TMEM52B: variants seen among roughly 807,000 people sequenced by gnomAD.
TMEM52B encodes the protein transmembrane protein 52B, also known as chromosome 12 open reading frame 59.
TMEM52B carries 11 observed loss-of-function variants against 16.1 expected under a neutral mutation model. The ratio of observed to expected loss-of-function variants is 0.68; its 90% CI spans 0.43 to 1.13. The LOEUF (loss-of-function observed/expected upper bound fraction) is 1.13. Ranked by LOEUF, TMEM52B falls within the 50% of genes most tolerant of loss-of-function variation. The pLI, the probability that TMEM52B is intolerant of heterozygous loss-of-function variation, is 0.00. For missense variants in TMEM52B, 243 were observed against 230.4 expected (o/e 1.05, Z -0.35); for synonymous variants, 101 against 93.8 (o/e 1.08, Z -0.45).
In TMEM52B at chr12:10,179,618, A is replaced by G; in HGVS notation, c.44A>G (p.Tyr15Cys). 5.0e-6 allele frequency: 8 copies of G among 1,614,208 alleles called. No homozygotes were observed. Among genetic ancestry groups the G allele is most frequent in the Non-Finnish European group, 5.9e-6 (7 of 1,180,036 alleles). ...GTCGTGGCGGCCTCAGCCCTGCTGT[A>G]TTTCATCCTGGTGAGTTCAGTGGTG... ...VHVVAASALLYFILLSGTRCE... is the reference protein window; with the variant it reads ...VHVVAASALLCFILLSGTRCE... The change falls in exon 1 of 5, where the codon TAT becomes TGT. Residue 15 changes from tyrosine to cysteine, a missense_variant. Coordinates refer to ENST00000543484, the MANE Select transcript of TMEM52B (RefSeq NM_001384896.1).
At chr12:10,174,405 G>A (rs1948751353), upstream of TMEM52B, among the ~76,000 whole-genome samples, 1 of 152,156 alleles carries the variant, frequency 6.6e-6, no homozygotes, top group African/African-American at 2.4e-5. Context: ...CAGACAGGAT[G>A]CTTTTAAATG....
Position 10,183,603 on chromosome 12 carries a change from G to T in TMEM52B, c.98+1010G>T, listed in dbSNP as rs565663874. Among the ~76,000 whole-genome samples the T allele has an allele frequency of 1.7e-4, 26 of 152,032 alleles. No homozygotes were observed. In the South Asian group the frequency reaches 5.2e-3, roughly 30 times the overall value. On this transcript the variant is annotated intron_variant, in intron 2 of 4. Coordinates refer to ENST00000543484, the MANE Select transcript of TMEM52B (RefSeq NM_001384896.1). ...CTCTTCAAAGATACACAAATATTTTGCCTCCCCTCATTCTCCAATTCCTGA... is the reference window on the plus strand; with the variant it reads ...CTCTTCAAAGATACACAAATATTTTTCCTCCCCTCATTCTCCAATTCCTGA...
Position 10,190,480 on chromosome 12 carries a change from C to A in TMEM52B, c.*340C>A. On this transcript the variant is annotated 3_prime_UTR_variant, in exon 5 of 5. Transcript: ENST00000543484. ...ACCCACATGATACTGCAAGTTGTGT[C>A]TCTCTCTGTCAGCGAATCCACTGCG... is the stretch of plus-strand genomic sequence containing the variant. 1 of 254,768 alleles carries A rather than the reference C, an allele frequency of 3.9e-6. No homozygotes were observed. The highest frequency in any genetic ancestry group is 7.8e-6 in the Non-Finnish European group (1 of 128,216). The allele number at this position is 254,768 out of a possible 1,614,324, so 15.8% of individuals were successfully genotyped here.
chr12:10,185,210 C>T, intron 2 of TMEM52B, 120 bp from the exon 3 acceptor site: 4 of 741,642 alleles, frequency 5.4e-6, no homozygotes, highest in Non-Finnish European at 9.4e-6. Flanking sequence ...AAAACATAAC[C>T]CATGGTGCTT....
chr12:10,181,886 G>A (rs1007384768), intron 1 of TMEM52B, among the ~76,000 whole-genome samples: 1 of 151,078 alleles, frequency 6.6e-6, no homozygotes, highest in Non-Finnish European at 1.5e-5. Context: ...AATTAACCAG[G>A]CGTGGTGGCA....
At chr12:10,189,778 C>T in intron 4 of TMEM52B, 118 bp from the exon 5 acceptor site, 1 of 1,401,710 alleles carries the variant, frequency 7.1e-7, no homozygotes, top group Admixed American at 2.3e-5. Flanking sequence ...CAAGGAGTGA[C>T]AATGAGTTTG....
chr12:10,182,412 C>A, intron 1 of TMEM52B, 138 bp from the exon 2 acceptor site: 1 of 1,349,354 alleles, frequency 7.4e-7, no homozygotes, highest in African/African-American at 1.5e-5. Context: ...AAATGGCAGT[C>A]CTAAATAGAC....
upstream of TMEM52B, chr12:10,175,201 C>T (rs976916952): frequency 1.3e-5 from 2 of 152,156 alleles, no homozygotes; most frequent in Admixed American, 6.6e-5. Context: ...TGATCATCTA[C>T]GTGTGCTTAT....
In TMEM52B at chr12:10,180,941, G is replaced by C. The variant is rs376770698; in HGVS notation, c.54+1313G>C. The stretch of plus-strand genomic sequence containing the variant: ...TTGCCTCAGCCTCCCAAGTAGCAGG[G>C]ATTGCAGGCATGCACCACCACGCCT... On this transcript the variant is annotated intron_variant, in intron 1 of 4. Coordinates refer to ENST00000543484, the MANE Select transcript of TMEM52B (RefSeq NM_001384896.1). Among the ~76,000 whole-genome samples the C allele has an allele frequency of 1.1e-4, 16 of 152,282 alleles. No homozygotes were observed. In the South Asian group the frequency reaches 1.9e-3, roughly 18 times the overall value.
chr12:10,189,623 CAAAA>C (rs766090432), intron 4 of TMEM52B, among the ~76,000 whole-genome samples: 3 of 82,940 alleles, frequency 3.6e-5, no homozygotes, highest in African/African-American at 9.3e-5. Flanking sequence ...AACTCCGTCT[CAAAA>C]AAAAAAAAAA....
Position 10,179,705 on chromosome 12 carries a change from T to A in TMEM52B, c.54+77T>A, listed in dbSNP as rs976373380. On this transcript the variant is annotated intron_variant, in intron 1 of 4. Coordinates refer to ENST00000543484, the MANE Select transcript of TMEM52B (RefSeq NM_001384896.1). ...ACTCTCAGAAGAGTCTGAAAGGAAATGAACTGCGGGGTGGGGAGACATATA... is the reference window on the plus strand; with the variant it reads ...ACTCTCAGAAGAGTCTGAAAGGAAAAGAACTGCGGGGTGGGGAGACATATA... The A allele has an allele frequency of 2.6e-6, 4 of 1,564,138 alleles. No homozygotes were observed. In the African/African-American group the frequency reaches 5.4e-5, roughly 21 times the overall value.
chr12:10,185,647 C>T (rs1948870861), intron 3 of TMEM52B, among the ~76,000 whole-genome samples: 1 of 152,190 alleles, frequency 6.6e-6, no homozygotes, highest in Non-Finnish European at 1.5e-5. Context: ...TGGCTCACAC[C>T]TGTAATCCCA....
chr12:10,179,707 A>G (rs1266984300), intron 1 of TMEM52B, 79 bp downstream of exon 1: 30 of 1,557,234 alleles, frequency 1.9e-5, no homozygotes, highest in Non-Finnish European at 2.7e-5. Flanking sequence ...AAAGGAAATG[A>G]ACTGCGGGGT....
chr12:10,185,356 T>C lies in TMEM52B; in HGVS notation c.125T>C (p.Leu42Pro). 1 of 1,608,530 alleles carries C rather than the reference T, an allele frequency of 6.2e-7. No individual in the cohort carries two copies. Among genetic ancestry groups the C allele is most frequent in the Non-Finnish European group, 8.5e-7 (1 of 1,174,858 alleles). Residue 42 changes from leucine (L) to proline (P), a missense_variant, in exon 3 of 5, where the codon CTC becomes CCC. Transcript: ENST00000543484. ...EHCLTTDWVH[L>P]WYIWLLVVIG... Reference sequence around the variant, plus strand: ...TGCCTGACCACAGACTGGGTACATCTCTGGTATATATGGTAAGTTTCACTT... The same window carrying C: ...TGCCTGACCACAGACTGGGTACATCCCTGGTATATATGGTAAGTTTCACTT...
Position 10,179,608 on chromosome 12 carries a change from G to T in TMEM52B, c.34G>T (p.Ala12Ser). 6.2e-7 allele frequency: 1 copy of T among 1,614,226 alleles called. No individual in the cohort carries two copies. Among genetic ancestry groups the T allele is most frequent in the Non-Finnish European group, 8.5e-7 (1 of 1,180,044 alleles). ...CCGAGTTCATGTCGTGGCGGCCTCA[G>T]CCCTGCTGTATTTCATCCTGGTGAG... is the stretch of plus-strand genomic sequence containing the variant. ...GVRVHVVAAS[A>S]LLYFILLSGT... is the part of the protein sequence containing the mutation. Residue 12 changes from alanine (A) to serine (S), a missense_variant, in exon 1 of 5, where the codon GCC becomes TCC. Ala to Ser is a moderately conservative substitution (Grantham distance 99, BLOSUM62 1). Coordinates refer to ENST00000543484, the MANE Select transcript of TMEM52B (RefSeq NM_001384896.1).
At chr12:10,189,064 G>A (rs529510984) in intron 4 of TMEM52B, among the ~76,000 whole-genome samples, 2 of 137,232 alleles carry the variant, frequency 1.5e-5, no homozygotes, top group East Asian at 4.2e-4. Flanking sequence ...AGCCAGGCAC[G>A]TTGGCACATG....
Position 10,191,299 on chromosome 12 carries a change from TA to T in TMEM52B, c.*1161del, listed in dbSNP as rs1411311079. ...GCAATGGCATGGTCTCAGCTCACTG[TA>T]ACCTCCACCTCCCGGATTCAAGCAA... On this transcript the variant is annotated 3_prime_UTR_variant, in exon 5 of 5. Transcript: ENST00000543484. 1 of 151,954 alleles carries T rather than the reference TA, an allele frequency of 6.6e-6. No individual in the cohort carries two copies. Among genetic ancestry groups the T allele is most frequent in the African/African-American group, 2.4e-5 (1 of 41,364 alleles). 9.4% of individuals were successfully genotyped at this position (151,954 alleles called of 1,614,324 possible). A position where few individuals can be genotyped will look rare whatever the true frequency, so the allele number is the denominator to read the frequency against.
upstream of TMEM52B, chr12:10,175,542 T>C (rs149507491): frequency 6.6e-6 from 1 of 152,362 alleles, no homozygotes; most frequent in Non-Finnish European, 1.5e-5. Context: ...TGGTGATGTG[T>C]TACACAGCAT....
rs530145831 is a variant in TMEM52B, at chr12:10,190,195, A to C, written c.*55A>C. 5.0e-6 allele frequency: 8 copies of C among 1,602,012 alleles called. No homozygotes were observed. The highest frequency in any genetic ancestry group is 1.3e-5 in the African/African-American group (1 of 74,634). On this transcript the variant is annotated 3_prime_UTR_variant, in exon 5 of 5. Coordinates refer to ENST00000543484, the MANE Select transcript of TMEM52B (RefSeq NM_001384896.1). ...GAGTGATGTCCAGAGTCTGTGGGAA[A>C]ATGGAACACATACTTTTCTAACCCT... is the stretch of plus-strand genomic sequence containing the variant.
Sources: gnomAD v4.1 joint callset for allele counts (sites outside exome capture counted in the v4.1 genomes callset) on GRCh38, gnomAD v4.1.1 for gene constraint, MANE v1.5 for transcripts, NCBI Gene and HGNC (gene_info 2026-07-23, HGNC 2026-07-21) for gene names.